Variants in CADM2 observed in about 807,000 individuals in gnomAD.
CADM2 encodes the protein immunoglobulin superfamily member 4D.
A neutral mutation model predicts 49.8 loss-of-function variants in CADM2; 12 were observed. The ratio of observed to expected loss-of-function variants is 0.24; its 90% CI spans 0.15 to 0.39. The LOEUF (loss-of-function observed/expected upper bound fraction) is 0.39, where lower values mean the gene tolerates loss of function less well. CADM2 is among the 10% of genes least tolerant of loss of function. The probability of loss-of-function intolerance (pLI) is 1.00; values close to 1 mark genes in which losing one functional copy is unlikely to be tolerated. For missense variants in CADM2, 378 were observed against 492.3 expected (o/e 0.77, Z 2.20); for synonymous variants, 214 against 175.4 (o/e 1.22, Z -1.74).
chr3:85,334,686 A>T (rs2107166285), intron 1 of CADM2, among the ~76,000 whole-genome samples: 1 of 151,710 alleles, frequency 6.6e-6, no homozygotes, highest in African/African-American at 2.4e-5. Context: ...ATGTTAACAA[A>T]AATGCCTTAA....
intron 2 of CADM2, among the ~76,000 whole-genome samples, chr3:85,796,698 C>T (rs937234805): frequency 3.3e-5 from 5 of 152,102 alleles, no homozygotes; most frequent in African/African-American, 1.2e-4. Flanking sequence ...TGGTGCCAAT[C>T]AACACACTTC....
chr3:85,823,115 A>C (rs1282016776), intron 3 of CADM2, among the ~76,000 whole-genome samples: 1 of 152,134 alleles, frequency 6.6e-6, no homozygotes, highest in Non-Finnish European at 1.5e-5. Flanking sequence ...TGTATAAATA[A>C]AAGTTTTTTG....
intron 1 of CADM2, among the ~76,000 whole-genome samples, chr3:85,448,761 A>G (rs891127320): frequency 7.2e-5 from 11 of 151,996 alleles, no homozygotes; most frequent in Non-Finnish European, 2.9e-5. Flanking sequence ...TAAAAATAAT[A>G]AAAATTCGGC....
chr3:85,176,766 T>C (rs1398162389), intron 1 of CADM2, among the ~76,000 whole-genome samples: 1 of 152,106 alleles, frequency 6.6e-6, no homozygotes, highest in African/African-American at 2.4e-5. Context: ...GCTGGAAAAA[T>C]TATTTTCTAC....
intron 1 of CADM2, among the ~76,000 whole-genome samples, chr3:85,290,227 C>T (rs943442187): frequency 7.9e-5 from 12 of 152,274 alleles, no homozygotes; most frequent in African/African-American, 1.7e-4. Context: ...TGCGCTTTTC[C>T]GATCGGCTTA....
At chr3:85,881,816 G>A (rs4091990) in intron 3 of CADM2, among the ~76,000 whole-genome samples, 99,815 of 151,938 alleles carry the variant, frequency 0.66, 33,417 homozygotes, top group African/African-American at 0.77. Flanking sequence ...GATGGTGGGC[G>A]GTATGTGTGG....
At chr3:85,871,483 G>A (rs1466483509) in intron 3 of CADM2, among the ~76,000 whole-genome samples, 3 of 152,102 alleles carry the variant, frequency 2.0e-5, no homozygotes, top group Non-Finnish European at 2.9e-5. Flanking sequence ...GAGTCAGACT[G>A]CCTGAACACT....
At chr3:85,564,058 A>T (rs1400408881) in intron 1 of CADM2, among the ~76,000 whole-genome samples, 3 of 152,140 alleles carry the variant, frequency 2.0e-5, no homozygotes, top group Non-Finnish European at 4.4e-5. Flanking sequence ...AAATAATTTC[A>T]GGACTGGGTG....
chr3:85,535,433 CGTTG>C (rs2061403737), intron 1 of CADM2, among the ~76,000 whole-genome samples: 1 of 152,046 alleles, frequency 6.6e-6, no homozygotes, highest in Non-Finnish European at 1.5e-5. Context: ...CATCTGGGAA[CGTTG>C]ATTTCATTTT....
chr3:85,618,926 A>G (rs2063882805), intron 1 of CADM2, among the ~76,000 whole-genome samples: 1 of 152,032 alleles, frequency 6.6e-6, no homozygotes, highest in African/African-American at 2.4e-5. Flanking sequence ...GTGTAATCCC[A>G]ACTACTCAGG....
At chr3:85,645,744 G>A (rs191556212) in intron 1 of CADM2, among the ~76,000 whole-genome samples, 1 of 151,970 alleles carries the variant, frequency 6.6e-6, no homozygotes, top group East Asian at 1.9e-4. Context: ...TATGGATATA[G>A]TGTTTTTTCT....
chr3:85,310,635 G>A (rs2044319330), intron 1 of CADM2, among the ~76,000 whole-genome samples: 1 of 152,176 alleles, frequency 6.6e-6, no homozygotes, highest in African/African-American at 2.4e-5. Context: ...GTTCTGGAAA[G>A]CTAAAGGGAG....
chr3:85,058,831 C>G (rs575567483), intron 1 of CADM2, among the ~76,000 whole-genome samples: 18 of 152,030 alleles, frequency 1.2e-4, no homozygotes, highest in African/African-American at 4.3e-4. Flanking sequence ...CTTGTTTAAA[C>G]TTTGTGAAGT....
chr3:85,416,100 T>C, intron 1 of CADM2, among the ~76,000 whole-genome samples: 1 of 152,160 alleles, frequency 6.6e-6, no homozygotes, highest in Middle Eastern at 3.2e-3. Flanking sequence ...TATATTTTTC[T>C]ATAAAATAGC....
chr3:85,194,869 A>C (rs978290316), intron 1 of CADM2, among the ~76,000 whole-genome samples: 1 of 151,630 alleles, frequency 6.6e-6, no homozygotes, highest in South Asian at 2.1e-4. Flanking sequence ...AACAAATATT[A>C]AAAAAAAATC....
chr3:85,013,992 GCA>G (rs2034128088), intron 1 of CADM2, among the ~76,000 whole-genome samples: 1 of 140,422 alleles, frequency 7.1e-6, no homozygotes, highest in Non-Finnish European at 1.6e-5. Context: ...TTATATATAC[GCA>G]GTGTAATAAT....
At chr3:85,096,435 G>A (rs1389009572) in intron 1 of CADM2, among the ~76,000 whole-genome samples, 1 of 151,896 alleles carries the variant, frequency 6.6e-6, no homozygotes, top group East Asian at 1.9e-4. Flanking sequence ...TTTGATGTCT[G>A]TCTAATTAAA....
intron 7 of CADM2, among the ~76,000 whole-genome samples, chr3:85,942,423 C>G (rs374114513): frequency 1.3e-5 from 2 of 151,720 alleles, no homozygotes; most frequent in South Asian, 4.2e-4. Flanking sequence ...CATGCTGGTG[C>G]GCTGCACCCA....
At chr3:85,302,400 CTT>C (rs2044123199) in intron 1 of CADM2, among the ~76,000 whole-genome samples, 1 of 151,984 alleles carries the variant, frequency 6.6e-6, no homozygotes, top group African/African-American at 2.4e-5. Flanking sequence ...AAAAATGTGA[CTT>C]GACATAGCTA....
Sources: allele counts gnomAD v4.1 joint callset (sites outside exome capture counted in the v4.1 genomes callset), GRCh38; gene constraint gnomAD v4.1.1; transcripts MANE v1.5; gene names NCBI Gene and HGNC (gene_info 2026-07-23, HGNC 2026-07-21).